Variants in CD99L2 observed in about 807,000 individuals in gnomAD.
CD99L2 encodes the protein CD99 molecule like 2.
CD99L2 carries 24 observed loss-of-function variants against 27.3 expected under a neutral mutation model. That is an observed-to-expected ratio of 0.88 (90% confidence interval 0.64 to 1.24). CD99L2 has a LOEUF of 1.24. Among genes scored for constraint, CD99L2 ranks in the 50% most tolerant of loss-of-function variants. The pLI is 0.00. For missense variants in CD99L2, 255 were observed against 221.6 expected (o/e 1.15, Z -0.96); for synonymous variants, 97 against 87.9 (o/e 1.10, Z -0.58).
intron 1 of CD99L2, among the ~76,000 whole-genome samples, chrX:150,896,021 G>C (rs1251722563): frequency 1.5e-5 from 1 of 66,488 alleles, no homozygotes; most frequent in African/African-American, 6.9e-5. Flanking sequence ...GCAAGACTCT[G>C]TTTCCAAAAA....
intron 1 of CD99L2, among the ~76,000 whole-genome samples, chrX:150,859,400 G>A (rs1261770371): frequency 9.0e-6 from 1 of 111,071 alleles, no homozygotes; most frequent in Non-Finnish European, 1.9e-5. Flanking sequence ...TCGGGAGGCT[G>A]AGGCAGGGGA....
At chrX:150,885,871 TAA>T (rs1440099527) in intron 1 of CD99L2, among the ~76,000 whole-genome samples, 1 of 112,196 alleles carries the variant, frequency 8.9e-6, no homozygotes, top group African/African-American at 3.2e-5. Context: ...AGAAAATCAT[TAA>T]ATGCATTAAA....
At chrX:150,824,083 GAAGAAGA>G (rs1274655727) in intron 2 of CD99L2, among the ~76,000 whole-genome samples, 3 of 81,973 alleles carry the variant, frequency 3.7e-5, no homozygotes, top group Admixed American at 2.6e-4. Flanking sequence ...GGAAGAGGAA[GAAGAAGA>G]AAGAAGAAGG....
intron 7 of CD99L2, among the ~76,000 whole-genome samples, chrX:150,793,009 G>A (rs148688108): frequency 1.8e-5 from 2 of 110,751 alleles, no homozygotes; most frequent in Non-Finnish European, 1.9e-5. Flanking sequence ...TATGGTAATG[G>A]TTACTCAAAT....
chrX:150,852,907 G>A (rs1013734759), intron 1 of CD99L2, among the ~76,000 whole-genome samples: 1 of 112,042 alleles, frequency 8.9e-6, no homozygotes, highest in Non-Finnish European at 1.9e-5. Flanking sequence ...ATTATAAGTA[G>A]TGCTCTGTGA....
At chrX:150,826,912 C>T (rs905860813) in intron 2 of CD99L2, among the ~76,000 whole-genome samples, 2 of 111,543 alleles carry the variant, frequency 1.8e-5, no homozygotes, top group Non-Finnish European at 3.8e-5. Flanking sequence ...GAGATGCCTT[C>T]ACCACTTAAT....
At chrX:150,842,853 A>G (rs782614985) in intron 1 of CD99L2, among the ~76,000 whole-genome samples, 2 of 112,545 alleles carry the variant, frequency 1.8e-5, no homozygotes, top group African/African-American at 6.4e-5. Flanking sequence ...AGAAAGTTCC[A>G]TAGGACAGTG....
Position 150,769,671 on chromosome X carries a change from CCCTGCCTGCG to C in CD99L2, c.722-580_722-571del, listed in dbSNP as rs200190748. ...ACACTCGCCTGAGCTGTCCTAGTCT[CCCTGCCTGCG>C]CCACCAGGCCTCGGCTGCTCCCCGA... On this transcript the variant is annotated intron_variant, in intron 10 of 10. Coordinates refer to ENST00000370377, the MANE Select transcript of CD99L2 (RefSeq NM_031462.4). 9.4e-3 allele frequency among the ~76,000 whole-genome samples: 972 copies of C among 103,290 alleles called. 6 individuals are homozygous for C. The highest frequency in any genetic ancestry group is 0.035 in the African/African-American group (926 of 26,312). 89.7% of individuals were successfully genotyped at this position (103,290 alleles called of 115,157 possible).
chrX:150,770,438 C>G, intron 9 of CD99L2, 69 bp from the exon 10 acceptor site: 1 of 1,016,442 alleles, frequency 9.8e-7, no homozygotes, highest in Non-Finnish European at 1.4e-6. Flanking sequence ...TGACTGAGAA[C>G]TCCTGACCAA....
intron 4 of CD99L2, among the ~76,000 whole-genome samples, 156 bp from the exon 5 acceptor site, chrX:150,795,642 G>A (rs1269139151): frequency 1.8e-5 from 2 of 112,054 alleles, no homozygotes; most frequent in African/African-American, 6.5e-5. Flanking sequence ...GGATGACAAA[G>A]AGATATAAAA....
chrX:150,821,049 C>T (rs2046236395), intron 2 of CD99L2, among the ~76,000 whole-genome samples: 1 of 111,901 alleles, frequency 8.9e-6, no homozygotes, highest in African/African-American at 3.2e-5. Flanking sequence ...AATCCTACGT[C>T]CATAGATTAC....
rs183457701 is a variant in CD99L2 at position 150,770,793 on chromosome X, G to A, written c.656-424C>T. On this transcript the variant is annotated intron_variant, in intron 9 of 10. Transcript: ENST00000370377. ...TGATGGATGCAGGGCAGGGAGGGGCGGATGGCTGAGTGGGGCTCAGCATGT... is the reference window on the plus strand; with the variant it reads ...TGATGGATGCAGGGCAGGGAGGGGCAGATGGCTGAGTGGGGCTCAGCATGT... 7.4e-4 allele frequency among the ~76,000 whole-genome samples: 83 copies of A among 112,415 alleles called. No individual in the cohort carries two copies. In the East Asian group the frequency reaches 0.02, roughly 28 times the overall value.
intron 5 of CD99L2, 55 bp downstream of exon 5, chrX:150,795,363 G>C: frequency 1.7e-6 from 2 of 1,204,458 alleles, no homozygotes; most frequent in South Asian, 3.5e-5. Flanking sequence ...TCCTGTCTCA[G>C]AGGGAGCCCC....
At chrX:150,840,326 C>T (rs1037834554) in intron 1 of CD99L2, among the ~76,000 whole-genome samples, 5 of 112,071 alleles carry the variant, frequency 4.5e-5, no homozygotes, top group Non-Finnish European at 9.4e-5. Context: ...AATTCATACA[C>T]ACACACATGC....
chrX:150,857,433 A>G (rs1379249761), intron 1 of CD99L2, among the ~76,000 whole-genome samples: 1 of 110,589 alleles, frequency 9.0e-6, no homozygotes, highest in Admixed American at 9.7e-5. Flanking sequence ...ACAGGCCAGG[A>G]GAGAATGGCA....
At chrX:150,845,932 T>C (rs1557421458) in intron 1 of CD99L2, among the ~76,000 whole-genome samples, 3 of 112,453 alleles carry the variant, frequency 2.7e-5, no homozygotes. Flanking sequence ...GGCTCACGCC[T>C]GTAATCCTAG....
intron 4 of CD99L2, among the ~76,000 whole-genome samples, chrX:150,809,363 C>T (rs2046041159): frequency 8.9e-6 from 1 of 111,744 alleles, no homozygotes; most frequent in African/African-American, 3.2e-5. Flanking sequence ...AGCAGAGGAC[C>T]CAGCTACGTA....
Position 150,816,259 on chromosome X carries a change from A to C in CD99L2, c.131-181T>G. 3 of 447,004 alleles carry C rather than the reference A, an allele frequency of 6.7e-6. No individual in the cohort carries two copies. The Admixed American group carries it at 1.2e-4, about 17-fold the overall frequency. The allele number at this position is 447,004 out of a possible 1,213,427, so 36.8% of individuals were successfully genotyped here. ...GGATGACAAAATGATATAGGTTTAAATGAGAAGAGTTCTGCTCACTTTTCT... is the reference window on the plus strand; with the variant it reads ...GGATGACAAAATGATATAGGTTTAACTGAGAAGAGTTCTGCTCACTTTTCT... On this transcript the variant is annotated intron_variant, in intron 2 of 10. Transcript: ENST00000370377.
chrX:150,824,662 A>G (rs28493357), intron 2 of CD99L2, among the ~76,000 whole-genome samples: 859 of 63,806 alleles, frequency 0.013, 14 homozygotes, highest in African/African-American at 0.045. Context: ...AAGAAGAAGA[A>G]GAAGAGGAAG....
Sources: gnomAD v4.1 joint callset for allele counts (sites outside exome capture counted in the v4.1 genomes callset) on GRCh38, gnomAD v4.1.1 for gene constraint, MANE v1.5 for transcripts, NCBI Gene and HGNC (gene_info 2026-07-23, HGNC 2026-07-21) for gene names.